Variants in PARD3 observed in about 807,000 individuals in gnomAD.
PARD3 encodes the protein par-3 family cell polarity regulator, also known as partitioning defective 3 homolog.
Under a neutral mutation model 155.4 loss-of-function variants are expected in PARD3, and 75 were observed. That is an observed-to-expected ratio of 0.48 (90% confidence interval 0.40 to 0.58). The LOEUF (loss-of-function observed/expected upper bound fraction) is 0.58. Ranked by LOEUF, PARD3 falls within the 20% of genes least tolerant of loss-of-function variation. PARD3 has a pLI of 0.00. For missense variants in PARD3, 1,642 were observed against 1,721.7 expected, an observed-to-expected ratio of 0.95 and a Z score of 0.82; for synonymous variants, 576 against 610.5, an observed-to-expected ratio of 0.94 and a Z score of 0.83.
chr10:34,361,822 G>A (rs1839470128), intron 12 of PARD3, among the ~76,000 whole-genome samples: 1 of 151,232 alleles, frequency 6.6e-6, no homozygotes, highest in Admixed American at 6.6e-5. Context: ...CAATAAACTT[G>A]CTAATGGGTT....
chr10:34,434,007 T>C (rs1002247769), intron 5 of PARD3, among the ~76,000 whole-genome samples: 2 of 152,022 alleles, frequency 1.3e-5, no homozygotes, highest in African/African-American at 4.8e-5. Context: ...AGTGCAAGGA[T>C]GGGAAAGAAT....
chr10:34,339,752 A>C (rs1836600328), intron 16 of PARD3, among the ~76,000 whole-genome samples: 1 of 152,250 alleles, frequency 6.6e-6, no homozygotes, highest in South Asian at 2.1e-4. Context: ...GAGTTTGTGC[A>C]TTAGTAAGAG....
At chr10:34,655,435 T>G (rs2093140099) in intron 2 of PARD3, among the ~76,000 whole-genome samples, 1 of 152,100 alleles carries the variant, frequency 6.6e-6, no homozygotes, top group Non-Finnish European at 1.5e-5. Flanking sequence ...ACTGTGGGTG[T>G]GTGTGAGATG....
intron 22 of PARD3, among the ~76,000 whole-genome samples, chr10:34,236,788 A>G (rs923137112): frequency 2.0e-5 from 3 of 152,208 alleles, no homozygotes; most frequent in African/African-American, 7.2e-5. Flanking sequence ...CTTAGCACCA[A>G]TCAAGTCTAT....
At chr10:34,186,371 A>AG (rs1564465130) in intron 22 of PARD3, among the ~76,000 whole-genome samples, 1 of 151,396 alleles carries the variant, frequency 6.6e-6, no homozygotes, top group Admixed American at 6.6e-5. Context: ...AAAAAAAAAA[A>AG]AAAAAGAAAC....
chr10:34,398,544 T>C (rs758710538), intron 7 of PARD3, among the ~76,000 whole-genome samples: 2 of 152,192 alleles, frequency 1.3e-5, no homozygotes, highest in East Asian at 1.9e-4. Flanking sequence ...TAAGAGAAGA[T>C]GCAATTAAAT....
intron 22 of PARD3, among the ~76,000 whole-genome samples, chr10:34,241,613 T>C (rs111741755): frequency 0.023 from 3,469 of 152,226 alleles, 132 homozygotes; most frequent in African/African-American, 0.077. Context: ...CAACACGTCT[T>C]AATCACAGCT....
intron 2 of PARD3, among the ~76,000 whole-genome samples, chr10:34,562,256 G>A (rs1042361400): frequency 2.6e-5 from 4 of 151,328 alleles, no homozygotes; most frequent in African/African-American, 9.7e-5. Context: ...GGTCAACATG[G>A]TGAAACCCCA....
intron 22 of PARD3, among the ~76,000 whole-genome samples, chr10:34,265,180 A>T (rs1955237896): frequency 1.3e-5 from 2 of 152,380 alleles, no homozygotes; most frequent in South Asian, 4.1e-4. Flanking sequence ...AAACAGTAGT[A>T]ACAGTGACAC....
At chr10:34,119,862 T>G (rs1946890203) in intron 23 of PARD3, 122 bp from the exon 24 acceptor site, 1 of 931,328 alleles carries the variant, frequency 1.1e-6, no homozygotes, top group Non-Finnish European at 1.5e-6. Flanking sequence ...CTGTGATTTG[T>G]TTTTCAAAAT....
At chr10:34,571,868 A>G (rs2086437716) in intron 2 of PARD3, among the ~76,000 whole-genome samples, 1 of 152,246 alleles carries the variant, frequency 6.6e-6, no homozygotes, top group Non-Finnish European at 1.5e-5. Context: ...CAGATAAACA[A>G]AACCATTTGT....
rs1039065819 is a variant in PARD3, at chr10:34,111,035, C to T, written c.*134G>A. 6.3e-5 allele frequency: 59 copies of T among 943,152 alleles called. No individual in the cohort carries two copies. Among genetic ancestry groups the T allele is most frequent in the Non-Finnish European group, 8.2e-5 (53 of 643,758 alleles). 58.4% of individuals were successfully genotyped at this position (943,152 alleles called of 1,614,324 possible). A position where few individuals can be genotyped will look rare whatever the true frequency, so the allele number is the denominator to read the frequency against. On this transcript the variant is annotated 3_prime_UTR_variant, in exon 25 of 25. Coordinates refer to ENST00000374788, the MANE Select transcript of PARD3 (RefSeq NM_001184785.2). ...AGGCCTTCCATTTCTTTGCCTACAC[C>T]GCTTAAAGGCACTGATACCAACAAC...
intron 22 of PARD3, among the ~76,000 whole-genome samples, chr10:34,205,892 C>T (rs185742333): frequency 2.8e-4 from 43 of 152,282 alleles, no homozygotes; most frequent in East Asian, 9.6e-4. Context: ...CCTGGGGCTG[C>T]GCATCTGATG....
intron 2 of PARD3, among the ~76,000 whole-genome samples, chr10:34,627,454 A>T (rs1191161170): frequency 6.6e-6 from 1 of 152,212 alleles, no homozygotes; most frequent in Non-Finnish European, 1.5e-5. Flanking sequence ...AATTAAGTTA[A>T]AATGAGGTCA....
chr10:34,621,941 G>A (rs1052250370), intron 2 of PARD3, among the ~76,000 whole-genome samples: 16 of 152,172 alleles, frequency 1.1e-4, no homozygotes, highest in African/African-American at 3.9e-4. Context: ...GTAAGTTGAA[G>A]AAAAAGAGTT....
chr10:34,207,217 A>C (rs1951522843), intron 22 of PARD3, among the ~76,000 whole-genome samples: 1 of 152,182 alleles, frequency 6.6e-6, no homozygotes, highest in Non-Finnish European at 1.5e-5. Flanking sequence ...TGATGAGTTA[A>C]AATTCAGTAT....
chr10:34,747,872 C>T (rs1037209033), intron 1 of PARD3, among the ~76,000 whole-genome samples: 3 of 152,218 alleles, frequency 2.0e-5, no homozygotes, highest in African/African-American at 7.2e-5. Context: ...CTCTCCCTGC[C>T]TTTCTTTGCC....
intron 22 of PARD3, among the ~76,000 whole-genome samples, chr10:34,183,556 C>A (rs1950357249): frequency 6.6e-6 from 1 of 152,206 alleles, no homozygotes; most frequent in Admixed American, 6.5e-5. Context: ...TTCCCGCCCT[C>A]TTCTCACCAG....
intron 5 of PARD3, among the ~76,000 whole-genome samples, chr10:34,447,264 G>A (rs1033567665): frequency 6.6e-6 from 1 of 151,934 alleles, no homozygotes; most frequent in Non-Finnish European, 1.5e-5. Flanking sequence ...TGTATCACTT[G>A]AGGTCAGCAG....
Sources: allele counts gnomAD v4.1 joint callset (sites outside exome capture counted in the v4.1 genomes callset), GRCh38; gene constraint gnomAD v4.1.1; transcripts MANE v1.5; gene names NCBI Gene and HGNC (gene_info 2026-07-23, HGNC 2026-07-21).